Variants in TPTE observed in about 807,000 individuals in gnomAD.
The protein encoded by TPTE is putative tyrosine-protein phosphatase TPTE.
TPTE carries 59 observed loss-of-function variants against 84.1 expected under a neutral mutation model. That is an observed-to-expected ratio of 0.70 (90% confidence interval 0.57 to 0.87). The LOEUF (loss-of-function observed/expected upper bound fraction) is 0.87. Among genes scored for constraint, TPTE ranks in the 40% least tolerant of loss-of-function variants. TPTE has a pLI of 0.00. For synonymous variants in TPTE, 130 were observed against 223.5 expected (o/e 0.58, Z 3.73); for missense variants, 382 against 659.6 (o/e 0.58, Z 4.61).
chr21:10,565,556 C>G (rs1472144114), intron 10 of TPTE, among the ~76,000 whole-genome samples: 1 of 152,306 alleles, frequency 6.6e-6, no homozygotes, highest in East Asian at 1.9e-4. Context: ...CAAAGCTATT[C>G]TAAGCAAAAA....
chr21:10,535,870 G>T (rs1181429651), intron 3 of TPTE, among the ~76,000 whole-genome samples: 1 of 152,310 alleles, frequency 6.6e-6, no homozygotes, highest in Non-Finnish European at 1.5e-5. Context: ...TATCTTCTGG[G>T]CAAGAAAGAC....
At chr21:10,603,711 T>C in intron 23 of TPTE, 79 bp downstream of exon 23, 1 of 1,535,002 alleles carries the variant, frequency 6.5e-7, no homozygotes, top group South Asian at 1.2e-5. Context: ...AGTCTTTTGC[T>C]GGTTGTCATA....
chr21:10,597,761 C>T (rs1600983354), intron 20 of TPTE, among the ~76,000 whole-genome samples: 1 of 152,308 alleles, frequency 6.6e-6, no homozygotes, highest in African/African-American at 2.4e-5. Flanking sequence ...TGATGGGATT[C>T]TAAGTCTTCG....
chr21:10,552,472 G>A (rs2074594722), intron 7 of TPTE, among the ~76,000 whole-genome samples, 185 bp from the exon 8 acceptor site: 1 of 152,312 alleles, frequency 6.6e-6, no homozygotes, highest in Non-Finnish European at 1.5e-5. Flanking sequence ...GTATCCATGA[G>A]GAAAGAGTTT....
chr21:10,540,855 G>A, intron 4 of TPTE: 1 of 622,910 alleles, frequency 1.6e-6, no homozygotes, highest in African/African-American at 1.8e-5. Flanking sequence ...CAAAAATGCT[G>A]TTACACCTTG....
At chr21:10,537,647 C>T (rs2145605177) in intron 3 of TPTE, among the ~76,000 whole-genome samples, 2 of 149,868 alleles carry the variant, frequency 1.3e-5, no homozygotes, top group East Asian at 2.0e-4. Context: ...CACTGCACTC[C>T]AGCCTGGGCA....
At chr21:10,603,829 G>A (rs558669867) in intron 23 of TPTE, among the ~76,000 whole-genome samples, 197 bp downstream of exon 23, 16 of 152,386 alleles carry the variant, frequency 1.0e-4, no homozygotes, top group African/African-American at 3.6e-4. Flanking sequence ...ACCCACTGTT[G>A]CAGTATCCTC....
At chr21:10,605,321 C>CT (rs1171890834) in intron 23 of TPTE, 96 bp from the exon 24 acceptor site, 11 of 1,478,694 alleles carry the variant, frequency 7.4e-6, no homozygotes, top group Admixed American at 2.5e-5. Context: ...TGGTGAGGTT[C>CT]TTTTTTTGTT....
chr21:10,566,486 C>T (rs1238435533), intron 10 of TPTE, among the ~76,000 whole-genome samples: 1 of 152,428 alleles, frequency 6.6e-6, no homozygotes, highest in Non-Finnish European at 1.5e-5. Context: ...ACCATATGAT[C>T]CAGCAATCCC....
At chr21:10,545,564 T>C (rs2074449925) in intron 7 of TPTE, among the ~76,000 whole-genome samples, 1 of 152,308 alleles carries the variant, frequency 6.6e-6, no homozygotes, top group Non-Finnish European at 1.5e-5. Context: ...TTGATATAAC[T>C]CACCTTTCAA....
At chr21:10,584,879 AGT>A (rs56198162) in intron 17 of TPTE, among the ~76,000 whole-genome samples, 24,893 of 146,900 alleles carry the variant, frequency 0.17, 16 homozygotes, top group Non-Finnish European at 0.18. Flanking sequence ...ATGCTTTACG[AGT>A]GTGTGTGTGT....
chr21:10,550,196 A>C (rs2074546708), intron 7 of TPTE, among the ~76,000 whole-genome samples: 2 of 152,310 alleles, frequency 1.3e-5, no homozygotes, highest in South Asian at 2.1e-4. Flanking sequence ...AAAAGATGAT[A>C]ACCACCATCA....
rs1475043415 is a variant in TPTE, at chr21:10,540,242, CACAT to C, written c.12-861_12-858del. ...ATACATGTGTCTATGCATATACAAA[CACAT>C]ACATACATGCATTCGTACACACAAG... is the stretch of plus-strand genomic sequence containing the variant. On this transcript the variant is annotated intron_variant, in intron 4 of 23. Transcript: ENST00000618007. Among the ~76,000 whole-genome samples the C allele has an allele frequency of 1.3e-4, 20 of 152,414 alleles. No individual in the cohort carries two copies. The East Asian group carries it at 3.5e-3, about 26-fold the overall frequency.
chr21:10,591,034 CT>C (rs1280601548), intron 18 of TPTE, among the ~76,000 whole-genome samples: 1 of 152,310 alleles, frequency 6.6e-6, no homozygotes, highest in African/African-American at 2.4e-5. Flanking sequence ...TAGTATCAAG[CT>C]TAATTAGATA....
chr21:10,566,614 T>A (rs1173046727), intron 10 of TPTE, among the ~76,000 whole-genome samples: 1 of 152,306 alleles, frequency 6.6e-6, no homozygotes, highest in East Asian at 1.9e-4. Context: ...TAAGTGCCCA[T>A]CAAGAGATGA....
chr21:10,590,648 G>T, intron 18 of TPTE, 125 bp downstream of exon 18: 1 of 1,490,586 alleles, frequency 6.7e-7, no homozygotes, highest in Non-Finnish European at 9.2e-7. Context: ...AATTAGAGAA[G>T]CAGTCTTTAG....
intron 8 of TPTE, among the ~76,000 whole-genome samples, chr21:10,555,448 C>T (rs2074662825): frequency 1.3e-5 from 2 of 152,308 alleles, no homozygotes; most frequent in Non-Finnish European, 2.9e-5. Flanking sequence ...CCTCATGATC[C>T]ACCCACCTTG....
At chr21:10,560,463 C>T (rs1293687106) in intron 9 of TPTE, among the ~76,000 whole-genome samples, 1 of 152,306 alleles carries the variant, frequency 6.6e-6, no homozygotes, top group Non-Finnish European at 1.5e-5. Context: ...TATGTAACAG[C>T]AAGTGGCAGG....
At chr21:10,535,977 A>G (rs191320645) in intron 3 of TPTE, among the ~76,000 whole-genome samples, 1 of 151,682 alleles carries the variant, frequency 6.6e-6, no homozygotes, top group Admixed American at 6.5e-5. Flanking sequence ...CTGCAGTTAC[A>G]TTAGAAATAA....
Sources: gnomAD v4.1 joint callset for allele counts (sites outside exome capture counted in the v4.1 genomes callset) on GRCh38, gnomAD v4.1.1 for gene constraint, MANE v1.5 for transcripts, NCBI Gene and HGNC (gene_info 2026-07-23, HGNC 2026-07-21) for gene names.